The following CAB39 variants were observed in gnomAD, a reference collection of about 807,000 sequenced individuals.
The protein encoded by CAB39 is calcium-binding protein 39.
In CAB39, 8 loss-of-function variants were observed where a neutral mutation model predicts 40.0. The observed-to-expected ratio is 0.20, with a 90% CI of 0.12 to 0.36. The LOEUF (loss-of-function observed/expected upper bound fraction) is 0.36, where lower values mean the gene tolerates loss of function less well. Ranked by LOEUF, CAB39 falls within the 10% of genes least tolerant of loss-of-function variation. The pLI is 1.00. For missense variants in CAB39, 270 were observed against 401.1 expected, an observed-to-expected ratio of 0.67 and a Z score of 2.79; for synonymous variants, 156 against 141.6, an observed-to-expected ratio of 1.10 and a Z score of -0.72.
chr2:230,784,514 C>A (rs1049872634), intron 2 of CAB39, among the ~76,000 whole-genome samples: 4 of 152,070 alleles, frequency 2.6e-5, no homozygotes, highest in Admixed American at 2.6e-4. Flanking sequence ...CCCTGCCTTG[C>A]GGGATTCCCT....
At chr2:230,773,314 A>ATATATGTGTGTGTGTGTG (rs371297550) in intron 2 of CAB39, among the ~76,000 whole-genome samples, 64 of 132,680 alleles carry the variant, frequency 4.8e-4, no homozygotes, top group African/African-American at 1.8e-3. Flanking sequence ...ATATATATAT[A>ATATATGTGTGTGTGTGTG]TGTGTGTGTG....
At chr2:230,779,005 T>C (rs1425584302) in intron 2 of CAB39, 2 of 152,198 alleles carry the variant, frequency 1.3e-5, no homozygotes, top group African/African-American at 4.8e-5. Flanking sequence ...AGGGAAAGTT[T>C]AGTTTCTGAT....
intron 4 of CAB39, among the ~76,000 whole-genome samples, chr2:230,794,693 C>T (rs1043085405): frequency 6.6e-6 from 1 of 152,202 alleles, no homozygotes; most frequent in African/African-American, 2.4e-5. Context: ...AAGCCCCGCC[C>T]ACCTCCTTTG....
intron 8 of CAB39, chr2:230,818,169 C>A (rs1017590880): frequency 8.6e-6 from 4 of 464,898 alleles, no homozygotes; most frequent in African/African-American, 4.1e-5. Flanking sequence ...AAAAGCATTT[C>A]TTAATGCTTT....
chr2:230,756,084 G>A (rs1389588484), intron 1 of CAB39, among the ~76,000 whole-genome samples: 1 of 152,178 alleles, frequency 6.6e-6, no homozygotes, highest in East Asian at 1.9e-4. Flanking sequence ...TCTTAAAGGT[G>A]CCTTTGCTGT....
At chr2:230,773,915 C>T (rs1181105221) in intron 2 of CAB39, among the ~76,000 whole-genome samples, 1 of 152,132 alleles carries the variant, frequency 6.6e-6, no homozygotes, top group Non-Finnish European at 1.5e-5. Flanking sequence ...GAGGTATTGA[C>T]ATGGACTAGG....
chr2:230,761,719 G>A (rs981013353), intron 2 of CAB39, among the ~76,000 whole-genome samples: 3 of 152,048 alleles, frequency 2.0e-5, no homozygotes. Flanking sequence ...GCTGCTGGCT[G>A]ATCTTAAGCT....
chr2:230,814,696 CTG>C (rs1696369029), intron 7 of CAB39, among the ~76,000 whole-genome samples: 2 of 152,288 alleles, frequency 1.3e-5, no homozygotes, highest in South Asian at 4.1e-4. Context: ...TACATATTGT[CTG>C]TGGCTGTTTT....
chr2:230,787,268 A>C (rs985458876), intron 2 of CAB39, among the ~76,000 whole-genome samples: 4 of 152,236 alleles, frequency 2.6e-5, no homozygotes, highest in Non-Finnish European at 5.9e-5. Context: ...GTAGATCATT[A>C]CTGAAAGGAG....
At chr2:230,728,219 TAGAGTGAGACTCCGTCTCA>T (rs1694622402) in intron 1 of CAB39, among the ~76,000 whole-genome samples, 1 of 151,706 alleles carries the variant, frequency 6.6e-6, no homozygotes, top group Admixed American at 6.6e-5. Context: ...GCATGGGCGA[TAGAGTGAGACTCCGTCTCA>T]AAAATAAATA....
At chr2:230,804,025 A>G (rs1696142644) in intron 5 of CAB39, among the ~76,000 whole-genome samples, 1 of 152,250 alleles carries the variant, frequency 6.6e-6, no homozygotes, top group African/African-American at 2.4e-5. Context: ...TAACCAAAAC[A>G]GCATGGCACT....
In CAB39 at chr2:230,790,847, T is replaced by C. The variant is rs2124956932; in HGVS notation, c.115-25T>C. 7 of 1,582,578 alleles carry C rather than the reference T, an allele frequency of 4.4e-6. No individual in the cohort carries two copies. The African/African-American group carries it at 6.9e-5, about 16-fold the overall frequency. On this transcript the variant is annotated intron_variant, in intron 2 of 8. Coordinates refer to ENST00000258418, the MANE Select transcript of CAB39 (RefSeq NM_016289.4). ...TAAAATGAATTGTTTTTTCTCCTCT[T>C]CCCAACTCCTCTCTCTAAAATTAGG...
At chr2:230,758,763 A>G (rs773441262) in intron 1 of CAB39, among the ~76,000 whole-genome samples, 11 of 152,172 alleles carry the variant, frequency 7.2e-5, no homozygotes, top group Non-Finnish European at 1.2e-4. Flanking sequence ...GCAGTTAAAT[A>G]TAGGATGTTG....
chr2:230,763,630 T>C (rs79451986), intron 2 of CAB39, among the ~76,000 whole-genome samples: 6,113 of 151,772 alleles, frequency 0.04, 424 homozygotes, highest in African/African-American at 0.14. Context: ...AAACCTGGTC[T>C]CACAGCTGTG....
chr2:230,793,385 G>C, intron 4 of CAB39, 54 bp downstream of exon 4: 1 of 861,054 alleles, frequency 1.2e-6, no homozygotes, highest in Non-Finnish European at 1.7e-6. Context: ...AGGAAGGATT[G>C]CCTTGGGAAA....
intron 6 of CAB39, among the ~76,000 whole-genome samples, chr2:230,810,755 A>G (rs1432081614): frequency 3.3e-5 from 5 of 152,082 alleles, no homozygotes; most frequent in Admixed American, 3.3e-4. Flanking sequence ...TCTACTGCTC[A>G]CTCCTTTGTG....
intron 1 of CAB39, among the ~76,000 whole-genome samples, chr2:230,744,081 G>A (rs917006769): frequency 6.6e-6 from 1 of 151,410 alleles, no homozygotes; most frequent in Non-Finnish European, 1.5e-5. Flanking sequence ...CACCATGCGC[G>A]GCTAATTTTT....
chr2:230,805,566 G>T (rs758432766), intron 5 of CAB39, among the ~76,000 whole-genome samples: 1 of 152,198 alleles, frequency 6.6e-6, no homozygotes, highest in Non-Finnish European at 1.5e-5. Flanking sequence ...CTCTGCTGCT[G>T]ATCTCACCTC....
intron 1 of CAB39, among the ~76,000 whole-genome samples, chr2:230,756,402 T>C (rs1464204): frequency 0.024 from 3,591 of 152,312 alleles, 86 homozygotes; most frequent in Middle Eastern, 0.037. Context: ...CACTGTCATA[T>C]AATGCAGTCA....
Sources: allele counts gnomAD v4.1 joint callset (sites outside exome capture counted in the v4.1 genomes callset), GRCh38; gene constraint gnomAD v4.1.1; transcripts MANE v1.5; gene names NCBI Gene and HGNC (gene_info 2026-07-23, HGNC 2026-07-21).